Variants in COL14A1 observed in about 807,000 individuals in gnomAD.
COL14A1 encodes the protein collagen alpha-1(XIV) chain.
In COL14A1, 136 loss-of-function variants were observed where a neutral mutation model predicts 230.3. The observed-to-expected ratio is 0.59, with a 90% confidence interval of 0.51 to 0.68. The LOEUF is 0.68. COL14A1 is among the 30% of genes least tolerant of loss of function. The pLI, the probability that COL14A1 is intolerant of heterozygous loss-of-function variation, is 0.00. For missense variants in COL14A1, 1,976 were observed against 2,215.8 expected, an observed-to-expected ratio of 0.89 and a Z score of 2.17; for synonymous variants, 792 against 784.1, an observed-to-expected ratio of 1.01 and a Z score of -0.17.
rs1021041999 is a variant in COL14A1, at chr8:120,349,423, C to T, written c.5077+3860C>T. 3.4e-4 allele frequency among the ~76,000 whole-genome samples: 51 copies of T among 147,954 alleles called. No individual in the cohort carries two copies. The East Asian group carries it at 3.5e-3, about 10-fold the overall frequency. On this transcript the variant is annotated intron_variant, in intron 45 of 47. Transcript: ENST00000297848. ...CGAGCTGAGAGAAGAAGGCTTCAGA[C>T]GATCAAATTACTCTGAGCTACGGGA...
intron 3 of COL14A1, among the ~76,000 whole-genome samples, chr8:120,161,274 G>A (rs988499069): frequency 6.6e-6 from 1 of 152,178 alleles, no homozygotes; most frequent in South Asian, 2.1e-4. Flanking sequence ...GCAAATTTCA[G>A]TCTTCTCTTG....
At chr8:120,367,329 C>A in intron 46 of COL14A1, 81 bp downstream of exon 46, 1 of 1,121,140 alleles carries the variant, frequency 8.9e-7, no homozygotes, top group Non-Finnish European at 1.3e-6. Flanking sequence ...AAATGGTCAT[C>A]TTACATCCTA....
At chr8:120,271,309 C>T (rs2129827522) in intron 26 of COL14A1, among the ~76,000 whole-genome samples, 1 of 151,356 alleles carries the variant, frequency 6.6e-6, no homozygotes, top group Admixed American at 6.6e-5. Context: ...ATAATCTGTG[C>T]ATCATATCCC....
intron 45 of COL14A1, among the ~76,000 whole-genome samples, chr8:120,347,140 T>C (rs911662934): frequency 6.6e-6 from 1 of 152,116 alleles, no homozygotes; most frequent in African/African-American, 2.4e-5. Context: ...TCTTTGTTCT[T>C]TTTGGAAGTC....
rs774638749 is a variant in COL14A1, at chr8:120,212,558, T to C, written c.1578T>C (p.Val526=). The change falls in exon 13 of 48, where the codon GTT becomes GTC. Residue 526 remains valine, a synonymous_variant. Coordinates refer to ENST00000297848, the MANE Select transcript of COL14A1 (RefSeq NM_021110.4). ...TTGGAGAAGAGGCCAGTGATCCTGTTACGGGACAAGAAACAACATGTGAGC... is the reference window on the plus strand; with the variant it reads ...TTGGAGAAGAGGCCAGTGATCCTGTCACGGGACAAGAAACAACATGTGAGC... The part of the protein sequence containing the change: ...AMFGEEASDP[V]TGQETTLALS... The C allele has an allele frequency of 6.2e-6, 10 of 1,613,428 alleles. No homozygotes were observed. The highest frequency in any genetic ancestry group is 1.3e-5 in the African/African-American group (1 of 74,898).
At position 120,301,667 on chromosome 8, in the gene COL14A1, G is replaced by A. The variant is rs117911641; in HGVS notation, c.4401+849G>A. On this transcript the variant is annotated intron_variant, in intron 36 of 47. Coordinates refer to ENST00000297848, the MANE Select transcript of COL14A1 (RefSeq NM_021110.4). ...GTGAATAGTGCTACAGTGAACATTCGTGTGTATATGTCTTTATGATAGAAG... is the reference window on the plus strand; with the variant it reads ...GTGAATAGTGCTACAGTGAACATTCATGTGTATATGTCTTTATGATAGAAG... Among the ~76,000 whole-genome samples the A allele has an allele frequency of 1.7e-3, 259 of 152,174 alleles. 2 individuals are homozygous for A. Among genetic ancestry groups the A allele is most frequent in the Admixed American group, 3.1e-3 (47 of 15,266 alleles).
At chr8:120,354,179 G>A in intron 45 of COL14A1, among the ~76,000 whole-genome samples, 1 of 111,056 alleles carries the variant, frequency 9.0e-6, no homozygotes, top group Middle Eastern at 3.9e-3. Context: ...CTCATAGGTG[G>A]GAATTGAACA....
chr8:120,206,413 C>T (rs1388643032), intron 9 of COL14A1, among the ~76,000 whole-genome samples: 5 of 152,184 alleles, frequency 3.3e-5, no homozygotes, highest in African/African-American at 9.6e-5. Flanking sequence ...TGCAGTGGCA[C>T]GATCTCGGCT....
At chr8:120,181,110 A>G (rs1460526162) in intron 5 of COL14A1, among the ~76,000 whole-genome samples, 1 of 152,202 alleles carries the variant, frequency 6.6e-6, no homozygotes, top group African/African-American at 2.4e-5. Flanking sequence ...TGAACAAGGA[A>G]ATGCAAGAAT....
At chr8:120,155,216 G>T (rs1432917329) in intron 2 of COL14A1, among the ~76,000 whole-genome samples, 1 of 152,212 alleles carries the variant, frequency 6.6e-6, no homozygotes, top group African/African-American at 2.4e-5. Context: ...AATGTAGACA[G>T]TTGAATCATT....
At chr8:120,201,919 T>TTC (rs10654244) in intron 8 of COL14A1, among the ~76,000 whole-genome samples, 34,334 of 151,948 alleles carry the variant, frequency 0.23, 4,233 homozygotes, top group East Asian at 0.46. Context: ...AGAAGCAAAA[T>TTC]TGGGCCTATT....
At position 120,353,916 on chromosome 8, in the gene COL14A1, A is replaced by T. The variant is rs1822871482; in HGVS notation, c.5077+8353A>T. ...GTATATACCCAAAGGACTATAAATC[A>T]TGCTGCTATAAAGACACATGCACAT... On this transcript the variant is annotated intron_variant, in intron 45 of 47. Coordinates refer to ENST00000297848, the MANE Select transcript of COL14A1 (RefSeq NM_021110.4). Among the ~76,000 whole-genome samples, 3 of 150,140 alleles carry T rather than the reference A, an allele frequency of 2.0e-5. No homozygotes were observed. In the South Asian group the frequency reaches 6.4e-4, roughly 32 times the overall value.
At chr8:120,132,455 T>C (rs777475462) in intron 1 of COL14A1, among the ~76,000 whole-genome samples, 21 of 152,228 alleles carry the variant, frequency 1.4e-4, no homozygotes, top group African/African-American at 3.4e-4. Flanking sequence ...TTTTGGTTAC[T>C]GTAGCCTTGT....
At chr8:120,348,598 T>C (rs1293785726) in intron 45 of COL14A1, among the ~76,000 whole-genome samples, 1 of 152,118 alleles carries the variant, frequency 6.6e-6, no homozygotes, top group Non-Finnish European at 1.5e-5. Flanking sequence ...GCTCAGGTGA[T>C]GGGTGCACAA....
rs534479735 is a variant in COL14A1 at position 120,143,670 on chromosome 8, A to G, written c.-37-4136A>G. 1.3e-4 allele frequency among the ~76,000 whole-genome samples: 20 copies of G among 152,180 alleles called. No homozygotes were observed. In the South Asian group the frequency reaches 4.2e-3, roughly 32 times the overall value. On this transcript the variant is annotated intron_variant, in intron 1 of 47. Transcript: ENST00000297848. ...AACACACAAAAAACTTGGGATTTAA[A>G]TAAACAATATGGAGTATTTTTTAAA...
chr8:120,280,191 A>C (rs1323505135), intron 29 of COL14A1, 92 bp downstream of exon 29: 8 of 1,434,342 alleles, frequency 5.6e-6, no homozygotes, highest in Non-Finnish European at 7.7e-6. Context: ...AGATCTGAGA[A>C]AAGAATATTG....
intron 23 of COL14A1, among the ~76,000 whole-genome samples, chr8:120,259,538 A>G (rs566746015): frequency 6.6e-6 from 1 of 152,278 alleles, no homozygotes; most frequent in Admixed American, 6.5e-5. Flanking sequence ...AGCAACATGG[A>G]TACACCCCCA....
At chr8:120,335,657 G>A (rs1270489575) in intron 42 of COL14A1, among the ~76,000 whole-genome samples, 2 of 152,208 alleles carry the variant, frequency 1.3e-5, no homozygotes, top group Non-Finnish European at 2.9e-5. Flanking sequence ...GCTGAAAATA[G>A]CAACATGTTT....
intron 35 of COL14A1, among the ~76,000 whole-genome samples, chr8:120,298,595 T>TATATATA (rs1160337017): frequency 4.3e-5 from 2 of 46,932 alleles, no homozygotes; most frequent in Non-Finnish European, 7.7e-5. Flanking sequence ...TACCCATATA[T>TATATATA]TTTATATATA....
Sources: allele counts gnomAD v4.1 joint callset (sites outside exome capture counted in the v4.1 genomes callset), GRCh38; gene constraint gnomAD v4.1.1; transcripts MANE v1.5; gene names NCBI Gene and HGNC (gene_info 2026-07-23, HGNC 2026-07-21).